Variants in ITPR2 observed in about 807,000 individuals in gnomAD.
The protein encoded by ITPR2 is inositol 1,4,5-trisphosphate-gated calcium channel ITPR2.
A neutral mutation model predicts 317.1 loss-of-function variants in ITPR2; 207 were observed. The ratio of observed to expected loss-of-function variants is 0.65; its 90% confidence interval spans 0.58 to 0.73. The LOEUF is 0.73. Ranked by LOEUF, ITPR2 falls within the 30% of genes least tolerant of loss-of-function variation. The pLI, the probability that ITPR2 is intolerant of heterozygous loss-of-function variation, is 0.00. For synonymous variants in ITPR2, 1,156 were observed against 1,149.1 expected, an observed-to-expected ratio of 1.01 and a Z score of -0.12; for missense variants, 2,613 against 3,284.0, an observed-to-expected ratio of 0.80 and a Z score of 4.99.
chr12:26,772,661 A>G (rs1014632447), intron 2 of ITPR2, among the ~76,000 whole-genome samples: 11 of 149,878 alleles, frequency 7.3e-5, no homozygotes, highest in Admixed American at 2.7e-4. Context: ...TACTTCATAC[A>G]CTGAATTGCA....
intron 55 of ITPR2, among the ~76,000 whole-genome samples, chr12:26,382,678 A>ACACAC (rs36030472): frequency 6.6e-6 from 1 of 150,592 alleles, no homozygotes; most frequent in East Asian, 1.9e-4. Context: ...CACACACACA[A>ACACAC]AAAAAAAGAA....
At chr12:26,604,652 AAGTT>A (rs531405212) in intron 26 of ITPR2, among the ~76,000 whole-genome samples, 3 of 152,228 alleles carry the variant, frequency 2.0e-5, no homozygotes, top group Non-Finnish European at 4.4e-5. Context: ...AAACATTACT[AAGTT>A]AGACTCCAGA....
intron 9 of ITPR2, among the ~76,000 whole-genome samples, chr12:26,710,884 T>G (rs1306106822): frequency 6.6e-6 from 1 of 152,182 alleles, no homozygotes; most frequent in Non-Finnish European, 1.5e-5. Context: ...ATAGAAAATT[T>G]TAGGCCACAT....
intron 34 of ITPR2, among the ~76,000 whole-genome samples, chr12:26,566,290 G>A (rs1158251251): frequency 7.4e-6 from 1 of 134,410 alleles, no homozygotes; most frequent in Non-Finnish European, 1.6e-5. Context: ...GGAGAAGGGA[G>A]GAGAGGAGAG....
At chr12:26,504,253 G>T (rs1250462064) in intron 37 of ITPR2, among the ~76,000 whole-genome samples, 1 of 152,116 alleles carries the variant, frequency 6.6e-6, no homozygotes, top group Non-Finnish European at 1.5e-5. Context: ...AGCAACAATT[G>T]TTCATTAGTG....
At chr12:26,587,930 G>C (rs1945578116) in intron 32 of ITPR2, among the ~76,000 whole-genome samples, 1 of 152,206 alleles carries the variant, frequency 6.6e-6, no homozygotes, top group Non-Finnish European at 1.5e-5. Context: ...GTCAAATTTG[G>C]AATATTTTAT....
intron 23 of ITPR2, among the ~76,000 whole-genome samples, chr12:26,625,675 G>T (rs1047934444): frequency 6.6e-6 from 1 of 152,074 alleles, no homozygotes; most frequent in East Asian, 1.9e-4. Flanking sequence ...TGTATATATA[G>T]ATCATATATA....
At chr12:26,458,373 C>T (rs552902198) in intron 45 of ITPR2, among the ~76,000 whole-genome samples, 5 of 152,166 alleles carry the variant, frequency 3.3e-5, no homozygotes, top group East Asian at 1.9e-4. Context: ...AGGCTGCTGA[C>T]GACATCAAGA....
chr12:26,443,441 T>C, intron 46 of ITPR2, 102 bp downstream of exon 46: 2 of 862,974 alleles, frequency 2.3e-6, no homozygotes, highest in Non-Finnish European at 3.7e-6. Flanking sequence ...AACCACTCAC[T>C]TCTGCATCAT....
At chr12:26,751,219 G>C (rs1488368542) in intron 2 of ITPR2, among the ~76,000 whole-genome samples, 1 of 152,156 alleles carries the variant, frequency 6.6e-6, no homozygotes, top group Non-Finnish European at 1.5e-5. Flanking sequence ...TTATAAATAA[G>C]TGTGTATCGA....
At chr12:26,375,584 T>G (rs1310469207) in intron 55 of ITPR2, among the ~76,000 whole-genome samples, 1 of 152,212 alleles carries the variant, frequency 6.6e-6, no homozygotes, top group African/African-American at 2.4e-5. Context: ...GTAGTAGACT[T>G]TTGACATTAT....
At chr12:26,498,297 G>C (rs931861913) in intron 37 of ITPR2, among the ~76,000 whole-genome samples, 1 of 152,114 alleles carries the variant, frequency 6.6e-6, no homozygotes, top group Admixed American at 6.6e-5. Flanking sequence ...TAACACTTAA[G>C]TGCAGCACCT....
chr12:26,514,768 G>A (rs1413741581), intron 37 of ITPR2, among the ~76,000 whole-genome samples: 2 of 150,534 alleles, frequency 1.3e-5, no homozygotes, highest in Non-Finnish European at 3.0e-5. Context: ...TTTTCAATTT[G>A]GTTACGCACA....
At chr12:26,638,144 A>T (rs957937184) in intron 21 of ITPR2, among the ~76,000 whole-genome samples, 3 of 152,248 alleles carry the variant, frequency 2.0e-5, no homozygotes, top group Admixed American at 6.5e-5. Flanking sequence ...AATTCATATA[A>T]AATAGTGGCT....
In ITPR2 at chr12:26,822,710, G is replaced by A. The variant is rs138156164; in HGVS notation, c.92+9980C>T. Among the ~76,000 whole-genome samples, 132 of 152,272 alleles carry A rather than the reference G, an allele frequency of 8.7e-4. 2 individuals carry two copies. In the East Asian group the frequency reaches 0.019, roughly 22 times the overall value. ...TCGCATAAATTTCTCCCAAGCAACT[G>A]CCAAGTTTCTTCCTGACTGGGCTTT... On this transcript the variant is annotated intron_variant, in intron 1 of 56. Transcript: ENST00000381340.
chr12:26,701,792 A>C (rs1462738581), intron 9 of ITPR2, among the ~76,000 whole-genome samples: 5 of 152,208 alleles, frequency 3.3e-5, no homozygotes, highest in African/African-American at 7.2e-5. Context: ...TCAGGAAATA[A>C]GTGTTTACTG....
intron 44 of ITPR2, 41 bp from the exon 45 acceptor site, chr12:26,475,459 C>T: frequency 6.3e-7 from 1 of 1,592,914 alleles, no homozygotes; most frequent in Non-Finnish European, 8.5e-7. Flanking sequence ...CCAGAAACAA[C>T]ATCTGCTTTA....
chr12:26,640,659 TAG>T (rs1358441231), intron 21 of ITPR2, among the ~76,000 whole-genome samples: 3 of 152,140 alleles, frequency 2.0e-5, no homozygotes, highest in Non-Finnish European at 4.4e-5. Context: ...CTAAGAACCA[TAG>T]AGTCTTCTAT....
intron 1 of ITPR2, among the ~76,000 whole-genome samples, chr12:26,809,904 T>G (rs572069665): frequency 9.2e-5 from 14 of 152,350 alleles, no homozygotes; most frequent in African/African-American, 3.4e-4. Context: ...GCTTTGCACA[T>G]TAAGTCATAA....
Sources: gnomAD v4.1 joint callset for allele counts (sites outside exome capture counted in the v4.1 genomes callset) on GRCh38, gnomAD v4.1.1 for gene constraint, MANE v1.5 for transcripts, NCBI Gene and HGNC (gene_info 2026-07-23, HGNC 2026-07-21) for gene names.